The following PTCHD4 variants were observed in gnomAD, a reference collection of about 807,000 sequenced individuals.
PTCHD4 encodes patched domain containing 4.
PTCHD4 carries 33 observed loss-of-function variants against 58.1 expected under a neutral mutation model. The ratio of observed to expected loss-of-function variants is 0.57; its 90% CI spans 0.43 to 0.76. PTCHD4 has a LOEUF of 0.76. Ranked by LOEUF, PTCHD4 falls within the 30% of genes least tolerant of loss-of-function variation. PTCHD4 has a pLI of 0.00. For missense variants in PTCHD4, 1,058 were observed against 1,027.1 expected (o/e 1.03, Z -0.41); for synonymous variants, 478 against 409.6 (o/e 1.17, Z -2.02).
At chr6:47,923,790 C>T (rs1448404754) in intron 4 of PTCHD4, among the ~76,000 whole-genome samples, 1 of 152,138 alleles carries the variant, frequency 6.6e-6, no homozygotes, top group Non-Finnish European at 1.5e-5. Context: ...TGTAAGAATG[C>T]TTAGTTGCAT....
chr6:47,995,805 T>C (rs1030864709), intron 4 of PTCHD4, among the ~76,000 whole-genome samples: 1 of 152,160 alleles, frequency 6.6e-6, no homozygotes, highest in Non-Finnish European at 1.5e-5. Context: ...AACACTTCAA[T>C]AAAATGACTC....
At chr6:47,979,961 A>G (rs1767821223) in intron 4 of PTCHD4, among the ~76,000 whole-genome samples, 1 of 152,130 alleles carries the variant, frequency 6.6e-6, no homozygotes. Context: ...TACTGCTTTT[A>G]AAAGCAACAA....
intron 3 of PTCHD4, among the ~76,000 whole-genome samples, chr6:48,018,224 C>A (rs1251088635): frequency 6.6e-6 from 1 of 152,164 alleles, no homozygotes; most frequent in Middle Eastern, 3.2e-3. Flanking sequence ...TGCTACTATA[C>A]CGCCGGGTGA....
At position 47,863,925 on chromosome 6, in the gene PTCHD4, T is replaced by C. The variant is rs544114845; in HGVS notation, c.*14378A>G. On this transcript the variant is annotated 3_prime_UTR_variant, in exon 5 of 5. Coordinates refer to ENST00000339488, the MANE Select transcript of PTCHD4 (RefSeq NM_001384253.1). ...TCAGATATGGCCTTAGTTCAGGTAA[T>C]TTCTTTTCTTCAAACTGGAATGTCT... Among the ~76,000 whole-genome samples the C allele has an allele frequency of 1.3e-5, 2 of 152,116 alleles. No homozygotes were observed. Among genetic ancestry groups the C allele is most frequent in the South Asian group, 4.1e-4 (2 of 4,822 alleles).
intron 3 of PTCHD4, among the ~76,000 whole-genome samples, chr6:48,051,829 C>A (rs536444951): frequency 6.6e-6 from 1 of 151,866 alleles, no homozygotes; most frequent in East Asian, 1.9e-4. Flanking sequence ...ACAAGTAAAG[C>A]CCATTTTTTA....
chr6:47,909,937 G>A (rs1229112227), intron 4 of PTCHD4, among the ~76,000 whole-genome samples: 1 of 152,042 alleles, frequency 6.6e-6, no homozygotes, highest in Admixed American at 6.6e-5. Context: ...AATGTTTTTG[G>A]GAAAACTTCG....
At chr6:47,982,562 C>T (rs1767921482) in intron 4 of PTCHD4, among the ~76,000 whole-genome samples, 1 of 148,256 alleles carries the variant, frequency 6.7e-6, no homozygotes, top group Admixed American at 6.9e-5. Flanking sequence ...GATCTCAGCT[C>T]ACTGCAGGCT....
At chr6:47,935,608 G>T (rs576170321) in intron 4 of PTCHD4, among the ~76,000 whole-genome samples, 1 of 152,082 alleles carries the variant, frequency 6.6e-6, no homozygotes, top group Non-Finnish European at 1.5e-5. Flanking sequence ...TCATTTTCTT[G>T]TTATTGCTTT....
At chr6:47,896,453 G>T (rs1581842897) in intron 4 of PTCHD4, among the ~76,000 whole-genome samples, 1 of 152,130 alleles carries the variant, frequency 6.6e-6, no homozygotes, top group Admixed American at 6.5e-5. Flanking sequence ...ATGAAGAAGG[G>T]TTATTTTGAT....
intron 3 of PTCHD4, among the ~76,000 whole-genome samples, chr6:48,066,362 T>C (rs1357702272): frequency 6.6e-6 from 1 of 152,158 alleles, no homozygotes; most frequent in Non-Finnish European, 1.5e-5. Context: ...ATTTTACACC[T>C]GGAGGATACT....
At chr6:47,921,945 TAAAA>T (rs544513150) in intron 4 of PTCHD4, among the ~76,000 whole-genome samples, 1 of 117,010 alleles carries the variant, frequency 8.5e-6, no homozygotes. Flanking sequence ...ACACCTTGTC[TAAAA>T]AAAAAAAAAA....
chr6:48,019,762 T>C (rs1050081619), intron 3 of PTCHD4, among the ~76,000 whole-genome samples: 2 of 151,780 alleles, frequency 1.3e-5, no homozygotes, highest in African/African-American at 4.8e-5. Flanking sequence ...ATAATATATG[T>C]ACTGTGGCAG....
chr6:47,935,812 G>T lies in PTCHD4; in HGVS notation c.899-55876C>A, dbSNP rs190207275. 2.3e-3 allele frequency among the ~76,000 whole-genome samples: 347 copies of T among 152,218 alleles called. 2 individuals are homozygous for T. Among genetic ancestry groups the T allele is most frequent in the Middle Eastern group, 6.8e-3 (2 of 294 alleles). ...GATGAGTGAGACAGGTAATGAATAC[G>T]TTTATACAAAGCATATAATTTTAGG... On this transcript the variant is annotated intron_variant, in intron 4 of 4. Transcript: ENST00000339488.
intron 4 of PTCHD4, among the ~76,000 whole-genome samples, chr6:47,990,235 G>A (rs1444659435): frequency 2.6e-5 from 4 of 152,310 alleles, no homozygotes; most frequent in Middle Eastern, 3.4e-3. Context: ...ATAGGCGGAA[G>A]GGACTTGCCT....
chr6:47,991,024 A>G (rs2814475), intron 4 of PTCHD4, among the ~76,000 whole-genome samples: 148,468 of 152,208 alleles, frequency 0.98, 72,428 homozygotes, highest in East Asian at 1. Flanking sequence ...GGAAGTATAA[A>G]AGACATGAGA....
intron 4 of PTCHD4, chr6:47,899,514 T>C (rs886970251): frequency 2.3e-5 from 20 of 867,982 alleles, no homozygotes; most frequent in Non-Finnish European, 2.6e-5. Flanking sequence ...AAAATGAGTC[T>C]AGTGAGCAAG....
At chr6:48,061,971 T>A (rs1201775097) in intron 3 of PTCHD4, among the ~76,000 whole-genome samples, 1 of 151,672 alleles carries the variant, frequency 6.6e-6, no homozygotes, top group Non-Finnish European at 1.5e-5. Flanking sequence ...GGAATTTTCA[T>A]ATTTCTTCTT....
At chr6:47,963,388 G>C (rs1470856973) in intron 4 of PTCHD4, among the ~76,000 whole-genome samples, 1 of 152,050 alleles carries the variant, frequency 6.6e-6, no homozygotes, top group Non-Finnish European at 1.5e-5. Flanking sequence ...ACTACTGGTG[G>C]AAAAATAAAA....
chr6:48,044,587 C>A (rs1275277731), intron 3 of PTCHD4, among the ~76,000 whole-genome samples: 2 of 151,892 alleles, frequency 1.3e-5, no homozygotes, highest in African/African-American at 4.8e-5. Context: ...ACCAAACAAA[C>A]CTGGCCCTTG....
Sources: gnomAD v4.1 joint callset for allele counts (sites outside exome capture counted in the v4.1 genomes callset) on GRCh38, gnomAD v4.1.1 for gene constraint, MANE v1.5 for transcripts, NCBI Gene and HGNC (gene_info 2026-07-23, HGNC 2026-07-21) for gene names.